LRMDA: variants seen among roughly 807,000 people sequenced by gnomAD.
LRMDA encodes leucine rich melanocyte differentiation associated, also known as leucine-rich melanocyte differentiation-associated protein.
In LRMDA, 18 loss-of-function variants were observed where a neutral mutation model predicts 29.8. That is an observed-to-expected ratio of 0.60 (90% CI 0.42 to 0.90). The LOEUF (loss-of-function observed/expected upper bound fraction) is 0.90. LRMDA is among the 40% of genes least tolerant of loss of function. The probability of loss-of-function intolerance (pLI) is 0.00; values close to 1 mark genes in which losing one functional copy is unlikely to be tolerated. For missense variants in LRMDA, 273 were observed against 273.9 expected, an observed-to-expected ratio of 1.00 and a Z score of 0.02; for synonymous variants, 125 against 109.4, an observed-to-expected ratio of 1.14 and a Z score of -0.89.
chr10:76,207,702 G>T (rs1055986557), intron 5 of LRMDA, among the ~76,000 whole-genome samples: 6 of 152,084 alleles, frequency 3.9e-5, no homozygotes, highest in Admixed American at 3.9e-4. Flanking sequence ...GGTGGCTCAT[G>T]CCTGTAATCC....
chr10:75,933,891 T>TGC (rs1846244543), intron 2 of LRMDA, among the ~76,000 whole-genome samples: 1 of 152,196 alleles, frequency 6.6e-6, no homozygotes, highest in African/African-American at 2.4e-5. Flanking sequence ...CCCTCCTAGT[T>TGC]GCTCACTCTT....
At chr10:76,234,058 A>ACTAT (rs1852107018) in intron 5 of LRMDA, among the ~76,000 whole-genome samples, 1 of 152,222 alleles carries the variant, frequency 6.6e-6, no homozygotes, top group Non-Finnish European at 1.5e-5. Flanking sequence ...CAGAGGAATC[A>ACTAT]CTATCTATGG....
intron 6 of LRMDA, among the ~76,000 whole-genome samples, chr10:76,344,364 A>G (rs1437332918): frequency 1.3e-5 from 2 of 152,152 alleles, no homozygotes; most frequent in Admixed American, 1.3e-4. Context: ...AAAAACCCAC[A>G]AAAACCTTCT....
At chr10:75,491,115 T>C (rs2132060873) in intron 2 of LRMDA, among the ~76,000 whole-genome samples, 1 of 152,350 alleles carries the variant, frequency 6.6e-6, no homozygotes, top group South Asian at 2.1e-4. Context: ...GAATTTATTT[T>C]TTAAAAGAAT....
chr10:75,894,511 TATA>T (rs1196056881), intron 2 of LRMDA, among the ~76,000 whole-genome samples: 2 of 152,260 alleles, frequency 1.3e-5, no homozygotes, highest in Admixed American at 1.3e-4. Context: ...ATCATTTTCA[TATA>T]ATGACTTCTT....
chr10:76,065,669 C>T (rs1277846704), intron 5 of LRMDA, among the ~76,000 whole-genome samples: 1 of 152,240 alleles, frequency 6.6e-6, no homozygotes, highest in East Asian at 1.9e-4. Flanking sequence ...CTTTGTCCTG[C>T]CTCTGCAACC....
At chr10:76,170,520 G>T (rs562071093) in intron 5 of LRMDA, among the ~76,000 whole-genome samples, 6 of 152,172 alleles carry the variant, frequency 3.9e-5, no homozygotes, top group African/African-American at 1.2e-4. Flanking sequence ...AAGCAAGTCC[G>T]TTTGCTTCTC....
chr10:75,928,552 C>T (rs1846158453), intron 2 of LRMDA, among the ~76,000 whole-genome samples: 1 of 152,142 alleles, frequency 6.6e-6, no homozygotes, highest in African/African-American at 2.4e-5. Flanking sequence ...GAGAGTAAGT[C>T]AAATTAGTTG....
chr10:75,809,472 G>A (rs1020747302), intron 2 of LRMDA, among the ~76,000 whole-genome samples: 2 of 151,968 alleles, frequency 1.3e-5, no homozygotes, highest in African/African-American at 4.8e-5. Context: ...GTGAAACCCT[G>A]TCTCTACTAA....
intron 2 of LRMDA, among the ~76,000 whole-genome samples, chr10:75,990,790 G>T (rs1001856082): frequency 3.3e-5 from 5 of 152,212 alleles, no homozygotes; most frequent in African/African-American, 1.2e-4. Context: ...GCCAGGGGCT[G>T]CTGGGACTCG....
intron 2 of LRMDA, among the ~76,000 whole-genome samples, chr10:75,519,996 G>A (rs1388968169): frequency 2.6e-5 from 4 of 152,182 alleles, no homozygotes; most frequent in African/African-American, 7.2e-5. Context: ...TAAGAATGTT[G>A]AATATTGGCC....
intron 2 of LRMDA, among the ~76,000 whole-genome samples, chr10:75,590,720 AAT>A (rs1354125574): frequency 3.4e-5 from 5 of 145,702 alleles, no homozygotes; most frequent in Non-Finnish European, 7.5e-5. Context: ...CTCACAATAA[AAT>A]AGTCTTTTTT....
chr10:76,128,452 G>A (rs556270815), intron 5 of LRMDA, among the ~76,000 whole-genome samples: 344 of 152,294 alleles, frequency 2.3e-3, no homozygotes, highest in African/African-American at 7.8e-3. Context: ...ACGTCAGCCC[G>A]TGCAACTCTT....
In LRMDA at chr10:76,266,343, C is replaced by T. The variant is rs567176585; in HGVS notation, c.517-58058C>T. 3.3e-5 allele frequency among the ~76,000 whole-genome samples: 5 copies of T among 152,218 alleles called. No individual in the cohort carries two copies. In the South Asian group the frequency reaches 8.3e-4, roughly 25 times the overall value. Reference sequence around the variant, plus strand: ...TGCTTCTCCATAGAATACTCCTTTGCAAGGACAGGATTACCTGTTAGCTGC... The same window carrying T: ...TGCTTCTCCATAGAATACTCCTTTGTAAGGACAGGATTACCTGTTAGCTGC... On this transcript the variant is annotated intron_variant, in intron 5 of 6. Coordinates refer to ENST00000611255, the MANE Select transcript of LRMDA (RefSeq NM_001305581.2).
chr10:75,835,081 C>T (rs1844410346), intron 2 of LRMDA, among the ~76,000 whole-genome samples: 1 of 152,200 alleles, frequency 6.6e-6, no homozygotes, highest in Non-Finnish European at 1.5e-5. Context: ...GTCATTGCAA[C>T]AAATTTCCAC....
intron 2 of LRMDA, among the ~76,000 whole-genome samples, chr10:75,506,259 G>A (rs1013818304): frequency 6.6e-5 from 10 of 152,124 alleles, no homozygotes; most frequent in Non-Finnish European, 1.3e-4. Context: ...TGGGGAATAG[G>A]AGGGCATTCT....
At chr10:76,551,229 C>T (rs1280574997) in intron 6 of LRMDA, among the ~76,000 whole-genome samples, 2 of 152,142 alleles carry the variant, frequency 1.3e-5, no homozygotes, top group South Asian at 2.1e-4. Flanking sequence ...AACACCACCA[C>T]GATTTAGGAA....
intron 2 of LRMDA, among the ~76,000 whole-genome samples, chr10:76,023,519 T>C (rs1436411574): frequency 6.6e-6 from 1 of 152,244 alleles, no homozygotes; most frequent in African/African-American, 2.4e-5. Context: ...AAGGCAATGA[T>C]AAAACTTTGC....
chr10:75,689,595 G>C (rs540523142), intron 2 of LRMDA, among the ~76,000 whole-genome samples: 1 of 152,294 alleles, frequency 6.6e-6, no homozygotes, highest in East Asian at 1.9e-4. Context: ...GGCACCTGGT[G>C]CTCAGGTTCT....
Sources: allele counts gnomAD v4.1 joint callset (sites outside exome capture counted in the v4.1 genomes callset), GRCh38; gene constraint gnomAD v4.1.1; transcripts MANE v1.5; gene names NCBI Gene and HGNC (gene_info 2026-07-23, HGNC 2026-07-21).